The following PRKN variants were observed in gnomAD, a reference collection of about 807,000 sequenced individuals.
PRKN encodes parkin RBR E3 ubiquitin protein ligase, also known as E3 ubiquitin-protein ligase parkin.
A neutral mutation model predicts 59.5 loss-of-function variants in PRKN; 56 were observed. The ratio of observed to expected loss-of-function variants is 0.94; its 90% CI spans 0.76 to 1.18. The LOEUF (loss-of-function observed/expected upper bound fraction) is 1.18. PRKN is among the 50% of genes most tolerant of loss of function. The pLI, the probability that PRKN is intolerant of heterozygous loss-of-function variation, is 0.00. For synonymous variants in PRKN, 250 were observed against 222.1 expected, an observed-to-expected ratio of 1.13 and a Z score of -1.12; for missense variants, 657 against 596.4, an observed-to-expected ratio of 1.10 and a Z score of -1.06.
At chr6:161,870,750 G>A (rs1794308635) in intron 6 of PRKN, among the ~76,000 whole-genome samples, 1 of 152,144 alleles carries the variant, frequency 6.6e-6, no homozygotes, top group Non-Finnish European at 1.5e-5. Flanking sequence ...CATATATTAT[G>A]TGCCAGCGAC....
intron 6 of PRKN, among the ~76,000 whole-genome samples, chr6:161,882,732 G>C (rs1415587008): frequency 2.0e-5 from 3 of 152,120 alleles, no homozygotes; most frequent in Non-Finnish European, 4.4e-5. Flanking sequence ...GGCTGGGCGC[G>C]GTGGCTCACG....
chr6:161,665,392 A>G (rs113496761), intron 7 of PRKN, among the ~76,000 whole-genome samples: 20 of 152,050 alleles, frequency 1.3e-4, no homozygotes, highest in African/African-American at 4.8e-4. Flanking sequence ...TTTTCTGTTG[A>G]TTTTCTTGAG....
chr6:161,921,254 A>G (rs1778776279), intron 6 of PRKN, among the ~76,000 whole-genome samples: 2 of 152,092 alleles, frequency 1.3e-5, no homozygotes, highest in Admixed American at 6.6e-5. Flanking sequence ...ACCCCCATAT[A>G]TTGTCCCACT....
intron 6 of PRKN, among the ~76,000 whole-genome samples, chr6:161,881,355 T>C (rs548145490): frequency 2.0e-4 from 30 of 152,238 alleles, no homozygotes; most frequent in African/African-American, 7.0e-4. Context: ...AGAGTGGGAA[T>C]TATGTGTAAA....
chr6:161,473,140 C>T lies in PRKN; in HGVS notation c.1083+75714G>A, dbSNP rs1790876364. The stretch of plus-strand genomic sequence containing the variant: ...ATAGCACCATATGATCCAGCAATCT[C>T]TCTGCTGAGTATATACTCAAAAGAA... On this transcript the variant is annotated intron_variant, in intron 9 of 11. Transcript: ENST00000366898. The surrounding 1 kb of genome is among the most constrained non-coding windows in gnomAD (Gnocchi z 4.1). Among the ~76,000 whole-genome samples, 1 of 152,204 alleles carries T rather than the reference C, an allele frequency of 6.6e-6. No homozygotes were observed. The highest frequency in any genetic ancestry group is 2.1e-4 in the South Asian group (1 of 4,814).
At position 161,757,315 on chromosome 6, in the gene PRKN, A is replaced by T. The variant is rs529219466; in HGVS notation, c.871+28457T>A. On this transcript the variant is annotated intron_variant, in intron 7 of 11. Coordinates refer to ENST00000366898, the MANE Select transcript of PRKN (RefSeq NM_004562.3). ...ATAATAAGCCACACACAGAGAGAAA[A>T]CATTTGCAAATCATACATCTGATAA... Among the ~76,000 whole-genome samples the T allele has an allele frequency of 2.0e-5, 3 of 152,296 alleles. No individual in the cohort carries two copies. The East Asian group carries it at 5.8e-4, about 29-fold the overall frequency.
At chr6:162,015,958 T>C (rs1782918928) in intron 5 of PRKN, among the ~76,000 whole-genome samples, 2 of 152,108 alleles carry the variant, frequency 1.3e-5, no homozygotes, top group Admixed American at 1.3e-4. Context: ...CTTTGTACAA[T>C]AGAGCATAAA....
chr6:162,499,739 G>A (rs891121619), intron 1 of PRKN, among the ~76,000 whole-genome samples: 1 of 152,170 alleles, frequency 6.6e-6, no homozygotes, highest in South Asian at 2.1e-4. Context: ...AAGTTCTAAT[G>A]TGTCTCTAGC....
At chr6:162,136,549 G>T (rs1781569384) in intron 4 of PRKN, among the ~76,000 whole-genome samples, 2 of 152,180 alleles carry the variant, frequency 1.3e-5, no homozygotes, top group African/African-American at 4.8e-5. Flanking sequence ...GTAATTTGGA[G>T]TAAGTTAATT....
chr6:161,823,855 T>C (rs1005804631), intron 6 of PRKN, among the ~76,000 whole-genome samples: 2 of 152,178 alleles, frequency 1.3e-5, no homozygotes, highest in African/African-American at 2.4e-5. Flanking sequence ...GGTGATCACA[T>C]GGCTATGTAT....
chr6:161,892,755 T>A lies in PRKN; in HGVS notation c.734+80547A>T, dbSNP rs184057817. Reference sequence around the variant, plus strand: ...TCCTATCTCTAAACAATAAAAAAAATTAAAAATTTTAAGTTAAAAATTAAT... The same window carrying A: ...TCCTATCTCTAAACAATAAAAAAAAATAAAAATTTTAAGTTAAAAATTAAT... On this transcript the variant is annotated intron_variant, in intron 6 of 11. Transcript: ENST00000366898. 1.5e-3 allele frequency among the ~76,000 whole-genome samples: 228 copies of A among 152,272 alleles called. 1 individual carries two copies. Among genetic ancestry groups the A allele is most frequent in the Middle Eastern group, 3.4e-3 (1 of 294 alleles).
intron 4 of PRKN, among the ~76,000 whole-genome samples, chr6:162,179,966 TAC>T (rs71656434): frequency 0.17 from 18,653 of 107,438 alleles, 1,676 homozygotes; most frequent in Middle Eastern, 0.31. Flanking sequence ...GTTATCTTAT[TAC>T]TGTGTGTGTG....
Position 161,896,105 on chromosome 6 carries a change from T to C in PRKN, c.734+77197A>G, listed in dbSNP as rs543731161. 2.0e-5 allele frequency among the ~76,000 whole-genome samples: 3 copies of C among 152,300 alleles called. No individual in the cohort carries two copies. The East Asian group carries it at 5.8e-4, about 29-fold the overall frequency. On this transcript the variant is annotated intron_variant, in intron 6 of 11. Coordinates refer to ENST00000366898, the MANE Select transcript of PRKN (RefSeq NM_004562.3). ...GGTGTGACGGGTGATGAATAAATTA[T>C]GTGAGAGAAAATATAGCTGTCAGGT...
chr6:161,432,258 T>A (rs1458783081), intron 9 of PRKN, among the ~76,000 whole-genome samples: 1 of 152,150 alleles, frequency 6.6e-6, no homozygotes, highest in Non-Finnish European at 1.5e-5. Flanking sequence ...TCATAACTCA[T>A]CTTGCAAGAT....
intron 3 of PRKN, among the ~76,000 whole-genome samples, chr6:162,220,241 GAA>G (rs1777869547): frequency 6.6e-6 from 1 of 152,042 alleles, no homozygotes; most frequent in Non-Finnish European, 1.5e-5. Flanking sequence ...AGAAAACCTA[GAA>G]AATATCCTTC....
chr6:162,514,210 A>G (rs1777748892), intron 1 of PRKN, among the ~76,000 whole-genome samples: 1 of 151,970 alleles, frequency 6.6e-6, no homozygotes, highest in African/African-American at 2.4e-5. Context: ...CTTAAGACTA[A>G]TTTCTTCTCT....
chr6:161,675,450 T>C (rs1225001813), intron 7 of PRKN, among the ~76,000 whole-genome samples: 3 of 152,228 alleles, frequency 2.0e-5, no homozygotes, highest in Non-Finnish European at 4.4e-5. Flanking sequence ...GCAGCATTTA[T>C]AGAGAGGATA....
In PRKN at chr6:161,423,307, T is replaced by C. The variant is rs1029033758; in HGVS notation, c.1084-36430A>G. On this transcript the variant is annotated intron_variant, in intron 9 of 11. Coordinates refer to ENST00000366898, the MANE Select transcript of PRKN (RefSeq NM_004562.3). This position sits in a 1 kb window ranked among gnomAD's most constrained non-coding sequence, Gnocchi z 5.9. Reference sequence around the variant, plus strand: ...TGCTCTCTCTGCTTTCTAATGTACATAGAGGTGTCTACATGCAAACGGATA... The same window carrying C: ...TGCTCTCTCTGCTTTCTAATGTACACAGAGGTGTCTACATGCAAACGGATA... Among the ~76,000 whole-genome samples the C allele has an allele frequency of 2.6e-5, 4 of 152,164 alleles. No homozygotes were observed. The highest frequency in any genetic ancestry group is 4.8e-5 in the African/African-American group (2 of 41,440).
chr6:162,347,056 T>C (rs1784432977), intron 2 of PRKN, among the ~76,000 whole-genome samples: 2 of 151,696 alleles, frequency 1.3e-5, no homozygotes, highest in Admixed American at 1.3e-4. Flanking sequence ...TTGTGAGATG[T>C]GTATCTATTT....
Sources: allele counts gnomAD v4.1 joint callset (sites outside exome capture counted in the v4.1 genomes callset), GRCh38; gene constraint gnomAD v4.1.1; non-coding constraint Gnocchi (gnomAD v3.1); transcripts MANE v1.5; gene names NCBI Gene and HGNC (gene_info 2026-07-23, HGNC 2026-07-21).